SYNPR: variants seen among roughly 807,000 people sequenced by gnomAD.
SYNPR encodes the protein synaptoporin.
Under a neutral mutation model 32.9 loss-of-function variants are expected in SYNPR, and 23 were observed. The ratio of observed to expected loss-of-function variants is 0.70; its 90% confidence interval spans 0.50 to 0.99. The LOEUF (loss-of-function observed/expected upper bound fraction) is 0.99, where lower values mean the gene tolerates loss of function less well. SYNPR is among the 50% of genes least tolerant of loss of function. The pLI is 0.00. For synonymous variants in SYNPR, 146 were observed against 135.9 expected (o/e 1.07, Z -0.52); for missense variants, 318 against 349.3 (o/e 0.91, Z 0.71).
chr3:63,262,681 G>A (rs2086449323), intron 2 of SYNPR, among the ~76,000 whole-genome samples: 1 of 152,166 alleles, frequency 6.6e-6, no homozygotes, highest in African/African-American at 2.4e-5. Flanking sequence ...TAGTCCCACA[G>A]AAGACAGAGG....
intron 3 of SYNPR, among the ~76,000 whole-genome samples, chr3:63,519,120 C>T (rs987146452): frequency 5.3e-5 from 8 of 152,200 alleles, no homozygotes; most frequent in East Asian, 3.9e-4. Flanking sequence ...CCTACATGAC[C>T]GTGGTGGATT....
At chr3:63,334,241 G>A (rs1322077819) in intron 2 of SYNPR, among the ~76,000 whole-genome samples, 7 of 152,136 alleles carry the variant, frequency 4.6e-5, no homozygotes, top group Non-Finnish European at 5.9e-5. Context: ...AAATCTATGT[G>A]CTTGTAAGAC....
intron 2 of SYNPR, among the ~76,000 whole-genome samples, chr3:63,333,769 G>A (rs1404461258): frequency 6.6e-6 from 1 of 152,078 alleles, no homozygotes; most frequent in African/African-American, 2.4e-5. Flanking sequence ...CATAGCACCA[G>A]TCCAAAGAGT....
chr3:63,566,642 C>T (rs938321186), intron 4 of SYNPR, among the ~76,000 whole-genome samples: 2 of 152,136 alleles, frequency 1.3e-5, no homozygotes, highest in African/African-American at 2.4e-5. Context: ...GGGCTCTGGA[C>T]TCAGACTGCC....
At chr3:63,251,536 G>A (rs1040376062) in intron 1 of SYNPR, among the ~76,000 whole-genome samples, 1 of 152,276 alleles carries the variant, frequency 6.6e-6, no homozygotes, top group South Asian at 2.1e-4. Context: ...TGAAAGAATA[G>A]AGTAGGAAGA....
chr3:63,368,222 T>C, intron 2 of SYNPR, among the ~76,000 whole-genome samples: 1 of 152,312 alleles, frequency 6.6e-6, no homozygotes, highest in Admixed American at 6.5e-5. Flanking sequence ...TTCACAGATA[T>C]CTGCCTTGGT....
chr3:63,261,599 G>C (rs1022190735), intron 2 of SYNPR, among the ~76,000 whole-genome samples: 12 of 144,708 alleles, frequency 8.3e-5, no homozygotes, highest in African/African-American at 2.8e-4. Flanking sequence ...ATAGCATTAG[G>C]AGATATACCT....
At chr3:63,396,574 G>C (rs2088215694) in intron 2 of SYNPR, among the ~76,000 whole-genome samples, 1 of 152,084 alleles carries the variant, frequency 6.6e-6, no homozygotes, top group Non-Finnish European at 1.5e-5. Flanking sequence ...AACACTCCTG[G>C]ATAAATCTCT....
intron 2 of SYNPR, among the ~76,000 whole-genome samples, chr3:63,318,052 TG>T (rs2106963640): frequency 6.6e-6 from 1 of 152,214 alleles, no homozygotes; most frequent in African/African-American, 2.4e-5. Flanking sequence ...GACTGAAAAT[TG>T]TTTTGTTTGA....
intron 2 of SYNPR, among the ~76,000 whole-genome samples, chr3:63,263,865 A>G (rs2086459736): frequency 6.6e-6 from 1 of 152,202 alleles, no homozygotes; most frequent in African/African-American, 2.4e-5. Context: ...CAGAGCCCAG[A>G]TTAAATAGGA....
At chr3:63,255,369 C>T (rs944628916) in intron 2 of SYNPR, among the ~76,000 whole-genome samples, 1 of 152,126 alleles carries the variant, frequency 6.6e-6, no homozygotes, top group South Asian at 2.1e-4. Flanking sequence ...GATCCTTTAG[C>T]CTGAATAGCC....
At chr3:63,569,156 G>C (rs1180569342) in intron 4 of SYNPR, among the ~76,000 whole-genome samples, 2 of 152,096 alleles carry the variant, frequency 1.3e-5, no homozygotes, top group Non-Finnish European at 2.9e-5. Context: ...GAGATAAAAT[G>C]AATTATTTCA....
intron 4 of SYNPR, among the ~76,000 whole-genome samples, chr3:63,568,022 G>A (rs1291618451): frequency 1.3e-5 from 2 of 152,160 alleles, no homozygotes; most frequent in African/African-American, 2.4e-5. Context: ...AGAAAATAAT[G>A]TAGACTATTG....
intron 2 of SYNPR, chr3:63,445,570 C>G: frequency 1.4e-6 from 1 of 700,792 alleles, no homozygotes. Flanking sequence ...AGAGTCATTT[C>G]CATTTAGTAA....
At chr3:63,218,895 G>A in the SYNPR span, among the ~76,000 whole-genome samples, 1 of 152,134 alleles carries the variant, frequency 6.6e-6, no homozygotes, top group Non-Finnish European at 1.5e-5. Context: ...CTGACTCCTT[G>A]GAGCTTTTAA....
chr3:63,335,360 A>C (rs972592950), intron 2 of SYNPR, among the ~76,000 whole-genome samples: 10 of 151,846 alleles, frequency 6.6e-5, no homozygotes, highest in African/African-American at 2.4e-4. Flanking sequence ...CTCAAAAAAA[A>C]AAAAAAAAAA....
upstream of SYNPR, among the ~76,000 whole-genome samples, chr3:63,225,678 G>A (rs1205445875): frequency 6.6e-6 from 1 of 152,104 alleles, no homozygotes; most frequent in Admixed American, 6.6e-5. Flanking sequence ...TAAATGTAAG[G>A]CTTGAAACTA....
chr3:63,531,668 C>A (rs927331038), intron 3 of SYNPR, among the ~76,000 whole-genome samples: 11 of 152,156 alleles, frequency 7.2e-5, no homozygotes, highest in Non-Finnish European at 1.5e-4. Context: ...TGTTTGCACT[C>A]ATTGGGCCCA....
chr3:63,313,543 A>C (rs2106956127), intron 2 of SYNPR, among the ~76,000 whole-genome samples: 1 of 149,918 alleles, frequency 6.7e-6, no homozygotes. Context: ...CTGTTAATTC[A>C]TTCCTTTTTA....
Sources: allele counts gnomAD v4.1 joint callset (sites outside exome capture counted in the v4.1 genomes callset), GRCh38; gene constraint gnomAD v4.1.1; transcripts MANE v1.5; gene names NCBI Gene and HGNC (gene_info 2026-07-23, HGNC 2026-07-21).